SMG9: variants seen among roughly 807,000 people sequenced by gnomAD.
The protein encoded by SMG9 is nonsense-mediated mRNA decay factor SMG9.
Under a neutral mutation model 64.0 loss-of-function variants are expected in SMG9, and 55 were observed. The ratio of observed to expected loss-of-function variants is 0.86; its 90% CI spans 0.69 to 1.08. SMG9 has a LOEUF of 1.08. SMG9 is among the 50% of genes least tolerant of loss of function. SMG9 has a pLI of 0.00. For missense variants in SMG9, 554 were observed against 681.3 expected (o/e 0.81, Z 2.08); for synonymous variants, 244 against 254.8 (o/e 0.96, Z 0.41).
intron 13 of SMG9, 30 bp downstream of exon 13, chr19:43,732,828 A>G (rs1299460647): frequency 6.2e-7 from 1 of 1,613,074 alleles, no homozygotes; most frequent in Non-Finnish European, 8.5e-7. Context: ...GGGGTGCCTC[A>G]AATTGACCCC....
In SMG9 at chr19:43,744,888, T is replaced by G. The variant is rs376987052; in HGVS notation, c.589-4A>C. ...CATCAGTCTGATCCAACAGGTACTG[T>G]GGGAAAATACATAAATGACTCTGAC... On this transcript the variant is annotated splice_region_variant and splice_polypyrimidine_tract_variant and intron_variant, in intron 5 of 13. Coordinates refer to ENST00000270066, the MANE Select transcript of SMG9 (RefSeq NM_019108.4). 4 of 1,609,694 alleles carry G rather than the reference T, an allele frequency of 2.5e-6. No individual in the cohort carries two copies. The highest frequency in any genetic ancestry group is 3.4e-6 in the Non-Finnish European group (4 of 1,176,918).
rs1968802962 is a variant in SMG9, at chr19:43,740,149, G to A, written c.771C>T (p.Asp257=). The part of the protein sequence containing the change: ...ERGGNQTSGI[D]FFITQERIVF... ...CAATCCGTTCTTGGGTAATAAAGAA[G>A]TCGATGCCACTGGTCTGGTTGCCCC... The change falls in exon 7 of 14, where the codon GAC becomes GAT. Residue 257 remains aspartate (D), a synonymous_variant. Coordinates refer to ENST00000270066, the MANE Select transcript of SMG9 (RefSeq NM_019108.4). 9 of 1,614,154 alleles carry A rather than the reference G, an allele frequency of 5.6e-6. No individual in the cohort carries two copies. Among genetic ancestry groups the A allele is most frequent in the Non-Finnish European group, 7.6e-6 (9 of 1,180,008 alleles).
chr19:43,746,706 G>C (rs1599655511), intron 5 of SMG9, among the ~76,000 whole-genome samples: 3 of 151,188 alleles, frequency 2.0e-5, no homozygotes, highest in Admixed American at 6.6e-5. Flanking sequence ...TATGTATGAT[G>C]ATCTAGGAAT....
At chr19:43,754,386 G>A (rs1432436587) in intron 1 of SMG9, 1 of 152,214 alleles carries the variant, frequency 6.6e-6, no homozygotes, top group Non-Finnish European at 1.5e-5. Context: ...ACGTTATTGG[G>A]GCGGCCTCCC....
At position 43,737,968 on chromosome 19, in the gene SMG9, TCTCAGTGTTGTC is replaced by T. The variant is rs1968728301; in HGVS notation, c.909+142_909+153del. 4.5e-5 allele frequency: 34 copies of T among 749,966 alleles called. 2 individuals carry two copies. The South Asian group carries it at 5.7e-4, about 13-fold the overall frequency. 46.5% of individuals were successfully genotyped at this position (749,966 alleles called of 1,614,324 possible). On this transcript the variant is annotated intron_variant, in intron 8 of 13. Transcript: ENST00000270066. ...AGCCAGGAGTTGAGCCAGTCCTGAC[TCTCAGTGTTGTC>T]CTCTTCCTATAGCCCTTGGGGCAGC...
intron 1 of SMG9, among the ~76,000 whole-genome samples, chr19:43,753,452 G>GCTTTT (rs1444068874): frequency 6.7e-6 from 1 of 148,810 alleles, no homozygotes. Context: ...CTGTGTGAAT[G>GCTTTT]CTTTTCTTTT....
At position 43,748,005 on chromosome 19, in the gene SMG9, G is replaced by A. The variant is rs1969077667; in HGVS notation, c.198C>T (p.Ile66=). Residue 66 remains isoleucine, a synonymous_variant, in exon 3 of 14, where the codon ATC becomes ATT. Coordinates refer to ENST00000270066, the MANE Select transcript of SMG9 (RefSeq NM_019108.4). The stretch of plus-strand genomic sequence containing the variant: ...GCTCTGCTGGAGGTTTTGAGAGGAT[G>A]ATGGGGGTTTTCTGCATGACGGAAG... ...TSTSVMQKTP[I]ILSKPPAERS... The A allele has an allele frequency of 1.2e-6, 2 of 1,613,782 alleles. No individual in the cohort carries two copies. The highest frequency in any genetic ancestry group is 2.7e-5 in the African/African-American group (2 of 74,920).
rs2146399447 is a variant in SMG9 at position 43,747,450 on chromosome 19, C to A, written c.580G>T (p.Ala194Ser). Residue 194 changes from alanine (A) to serine (S), a missense_variant, in exon 5 of 14, where the codon GCC becomes TCC. Physicochemically the swap from Ala to Ser is moderately conservative, Grantham distance 99 (BLOSUM62 1). Coordinates refer to ENST00000270066, the MANE Select transcript of SMG9 (RefSeq NM_019108.4). The stretch of plus-strand genomic sequence containing the variant: ...GCAGGACCCCTCGGTACCTCGATGG[C>A]ACTGTCACACCAATTCATCTGGTCA... Reference protein sequence around the residue: ...VDDQMNWCDSAIEYLLDQTDV... With the variant: ...VDDQMNWCDSSIEYLLDQTDV... 1 of 1,613,608 alleles carries A rather than the reference C, an allele frequency of 6.2e-7. No individual in the cohort carries two copies. The highest frequency in any genetic ancestry group is 2.2e-5 in the East Asian group (1 of 44,888).
chr19:43,741,231 G>C (rs576281015), intron 6 of SMG9, among the ~76,000 whole-genome samples: 4 of 152,346 alleles, frequency 2.6e-5, no homozygotes, highest in African/African-American at 9.6e-5. Flanking sequence ...GAGCCAGAAA[G>C]GGCTGCCCTG....
intron 1 of SMG9, among the ~76,000 whole-genome samples, chr19:43,753,486 G>A (rs1324398228): frequency 7.3e-6 from 1 of 137,524 alleles, no homozygotes; most frequent in South Asian, 2.3e-4. Context: ...TTTTTGAGAC[G>A]GTCTTGCTCT....
intron 7 of SMG9, 89 bp downstream of exon 7, chr19:43,740,018 T>C (rs1439520109): frequency 4.2e-6 from 4 of 945,934 alleles, no homozygotes; most frequent in Non-Finnish European, 6.9e-6. Flanking sequence ...GCACATGGAA[T>C]CCACGCAGGG....
Position 43,754,690 on chromosome 19 carries a change from T to A in SMG9, c.-43A>T, listed in dbSNP as rs1478215190. ...GCTGATTGGTTCTCGGGGCGCGGTGTGCGCTCTCCCGTGACGGGAGTCGGG... is the reference window on the plus strand; with the variant it reads ...GCTGATTGGTTCTCGGGGCGCGGTGAGCGCTCTCCCGTGACGGGAGTCGGG... On this transcript the variant is annotated 5_prime_UTR_variant, in exon 1 of 14. Transcript: ENST00000270066. The A allele has an allele frequency of 2.6e-5, 4 of 151,702 alleles. No individual in the cohort carries two copies. The highest frequency in any genetic ancestry group is 4.8e-5 in the African/African-American group (2 of 41,256). The allele number at this position is 151,702 out of a possible 1,614,324, so 9.4% of individuals were successfully genotyped here. A position where few individuals can be genotyped will look rare whatever the true frequency, so the allele number is the denominator to read the frequency against.
chr19:43,740,792 C>T (rs769905210), intron 6 of SMG9, among the ~76,000 whole-genome samples: 32 of 152,140 alleles, frequency 2.1e-4, no homozygotes, highest in Non-Finnish European at 4.0e-4. Flanking sequence ...GCATCTTCCC[C>T]TGTCAGGTGA....
At chr19:43,736,805 G>A (rs143511912) in intron 9 of SMG9, among the ~76,000 whole-genome samples, 2 of 152,322 alleles carry the variant, frequency 1.3e-5, no homozygotes, top group African/African-American at 2.4e-5. Flanking sequence ...ACAGAAGTGA[G>A]GGAGAGTAAC....
Position 43,747,428 on chromosome 19 carries a change from G to T in SMG9, c.588+14C>A. 6.2e-7 allele frequency: 1 copy of T among 1,611,090 alleles called. No homozygotes were observed. The highest frequency in any genetic ancestry group is 8.5e-7 in the Non-Finnish European group (1 of 1,179,370). ...GATGTGCGGAAGCTCAGGCAGGGCA[G>T]GACCCCTCGGTACCTCGATGGCACT... On this transcript the variant is annotated intron_variant, in intron 5 of 13. Transcript: ENST00000270066.
At chr19:43,737,916 G>T (rs1400270149) in intron 8 of SMG9, 2 of 651,712 alleles carry the variant, frequency 3.1e-6, no homozygotes, top group African/African-American at 1.8e-5. Context: ...AGGGGAGGGG[G>T]TGGGAAATGA....
chr19:43,749,011 T>C (rs1332789230), intron 2 of SMG9, among the ~76,000 whole-genome samples: 3 of 152,232 alleles, frequency 2.0e-5, no homozygotes, highest in African/African-American at 7.2e-5. Context: ...ATTTGGGATT[T>C]TTTTGAACTT....
chr19:43,741,734 A>G (rs963554673), intron 6 of SMG9, among the ~76,000 whole-genome samples: 1 of 152,146 alleles, frequency 6.6e-6, no homozygotes, highest in Non-Finnish European at 1.5e-5. Context: ...CTTTCACTGG[A>G]ATGCTCCTCC....
intron 5 of SMG9, among the ~76,000 whole-genome samples, chr19:43,745,133 GT>G (rs777867403): frequency 6.6e-6 from 1 of 152,348 alleles, no homozygotes; most frequent in Admixed American, 6.5e-5. Context: ...GCCTAGCATG[GT>G]CAAGAAGCTA....
Sources: allele counts gnomAD v4.1 joint callset (sites outside exome capture counted in the v4.1 genomes callset), GRCh38; gene constraint gnomAD v4.1.1; transcripts MANE v1.5; gene names NCBI Gene and HGNC (gene_info 2026-07-23, HGNC 2026-07-21).